POLN: variants seen among roughly 807,000 people sequenced by gnomAD.
POLN encodes the protein DNA polymerase nu.
In POLN, 108 loss-of-function variants were observed where a neutral mutation model predicts 113.5. The ratio of observed to expected loss-of-function variants is 0.95; its 90% CI spans 0.81 to 1.12. The LOEUF is 1.12. Ranked by LOEUF, POLN falls within the 50% of genes most tolerant of loss-of-function variation. The pLI, the probability that POLN is intolerant of heterozygous loss-of-function variation, is 0.00. For missense variants in POLN, 1,097 were observed against 1,077.1 expected (o/e 1.02, Z -0.26); for synonymous variants, 386 against 391.5 (o/e 0.99, Z 0.17).
rs535113978 is a variant in POLN, at chr4:2,077,867, G to C, written c.2388-2348C>G. ...GAAGGACGTCTGTCGTCTCCGTGTG[G>C]GGTGGATGAATGCAGGGCCTTGGAT... On this transcript the variant is annotated intron_variant, in intron 23 of 25. Coordinates refer to ENST00000511885, the MANE Select transcript of POLN (RefSeq NM_181808.4). 3.3e-5 allele frequency among the ~76,000 whole-genome samples: 5 copies of C among 152,300 alleles called. No homozygotes were observed. In the East Asian group the frequency reaches 7.7e-4, roughly 23 times the overall value.
chr4:2,222,695 CTTTTTTT>C (rs1314577025), intron 3 of POLN, among the ~76,000 whole-genome samples: 1 of 129,386 alleles, frequency 7.7e-6, no homozygotes, highest in African/African-American at 3.2e-5. Context: ...CACCCACGGC[CTTTTTTT>C]TTTTTTTTTT....
intron 2 of POLN, chr4:2,230,690 A>AT (rs1734549656): frequency 6.6e-6 from 1 of 151,948 alleles, no homozygotes; most frequent in South Asian, 2.1e-4. Flanking sequence ...CATAAAGACC[A>AT]CCCAAAACAT....
At chr4:2,118,462 A>G (rs529650703) in intron 19 of POLN, among the ~76,000 whole-genome samples, 1 of 152,318 alleles carries the variant, frequency 6.6e-6, no homozygotes, top group South Asian at 2.1e-4. Context: ...CTTACTTATA[A>G]TACCTTGTCA....
chr4:2,135,581 T>A, intron 16 of POLN, among the ~76,000 whole-genome samples: 1 of 152,156 alleles, frequency 6.6e-6, no homozygotes, highest in Non-Finnish European at 1.5e-5. Context: ...ACGTGAGCAA[T>A]TAGCACATAC....
chr4:2,150,107 CA>C (rs1318002907), intron 16 of POLN, among the ~76,000 whole-genome samples: 1 of 151,334 alleles, frequency 6.6e-6, no homozygotes, highest in Non-Finnish European at 1.5e-5. Context: ...AAACAAAAAA[CA>C]AAAAACAAAA....
chr4:2,101,421 G>A (rs893172497), intron 19 of POLN, among the ~76,000 whole-genome samples: 7 of 152,232 alleles, frequency 4.6e-5, no homozygotes, highest in Non-Finnish European at 1.0e-4. Flanking sequence ...AATCTAGGAA[G>A]AAGGAAAACA....
At chr4:2,086,347 G>A (rs1428957354) in intron 20 of POLN, among the ~76,000 whole-genome samples, 1 of 152,176 alleles carries the variant, frequency 6.6e-6, no homozygotes, top group Non-Finnish European at 1.5e-5. Context: ...ACTTTGGCTG[G>A]GCAGTGGCTG....
chr4:2,189,467 G>A (rs548167576), intron 7 of POLN, among the ~76,000 whole-genome samples: 12 of 151,016 alleles, frequency 7.9e-5, no homozygotes, highest in South Asian at 4.2e-4. Flanking sequence ...GTGAAACCCC[G>A]TCTCTACCAA....
intron 5 of POLN, among the ~76,000 whole-genome samples, chr4:2,201,277 CAAAAAAA>C (rs35399602): frequency 6.3e-4 from 10 of 15,834 alleles, no homozygotes; most frequent in African/African-American, 3.9e-3. Context: ...CCTACCACTC[CAAAAAAA>C]AAAAAAAAAA....
At chr4:2,082,623 GAGA>G (rs1161478395) in intron 21 of POLN, 1 of 152,220 alleles carries the variant, frequency 6.6e-6, no homozygotes, top group Non-Finnish European at 1.5e-5. Context: ...GACTGAGGAT[GAGA>G]AGAATTTCCC....
intron 16 of POLN, among the ~76,000 whole-genome samples, chr4:2,135,334 A>C (rs569814963): frequency 6.6e-6 from 1 of 152,286 alleles, no homozygotes; most frequent in African/African-American, 2.4e-5. Context: ...GGCCTTCAGC[A>C]AGGCCTCTCT....
chr4:2,189,649 A>AAAG (rs1169522106), intron 7 of POLN, among the ~76,000 whole-genome samples: 1 of 151,844 alleles, frequency 6.6e-6, no homozygotes, highest in Non-Finnish European at 1.5e-5. Context: ...AAACAAAAAA[A>AAAG]AAAGAAAAAA....
chr4:2,208,356 T>G lies in POLN; in HGVS notation c.345A>C (p.Ser115=). 1 of 1,613,650 alleles carries G rather than the reference T, an allele frequency of 6.2e-7. No homozygotes were observed. Among genetic ancestry groups the G allele is most frequent in the Non-Finnish European group, 8.5e-7 (1 of 1,179,920 alleles). ...KQKSISSLTL[S]SCLIPQYNQE... ...GATTATACTGTGGAATTAAACAACT[T>G]GAAAGAGTCAATGAGCTGATGCTCT... Residue 115 remains serine, a synonymous_variant, in exon 5 of 26, where the codon TCA becomes TCC. Coordinates refer to ENST00000511885, the MANE Select transcript of POLN (RefSeq NM_181808.4).
At chr4:2,080,773 G>C in intron 23 of POLN, 185 bp downstream of exon 23, 1 of 1,461,548 alleles carries the variant, frequency 6.8e-7, no homozygotes, top group Non-Finnish European at 9.0e-7. Context: ...CTGGTGGATG[G>C]CTGGTTGTTG....
intron 2 of POLN, chr4:2,240,834 G>A: frequency 6.2e-7 from 1 of 1,613,520 alleles, no homozygotes; most frequent in Non-Finnish European, 8.5e-7. Flanking sequence ...CTTCAGAAAC[G>A]ATTCATCTTC....
intron 14 of POLN, among the ~76,000 whole-genome samples, chr4:2,158,934 T>G (rs1408659574): frequency 6.6e-6 from 1 of 152,180 alleles, no homozygotes; most frequent in African/African-American, 2.4e-5. Flanking sequence ...TCTTCCATTT[T>G]GACTCCTGGG....
chr4:2,081,217 C>G (rs891167720), intron 22 of POLN, 181 bp from the exon 23 acceptor site: 4 of 1,548,624 alleles, frequency 2.6e-6, no homozygotes, highest in African/African-American at 2.7e-5. Flanking sequence ...TCCTCCCGCC[C>G]TCTTGCTCCT....
intron 3 of POLN, among the ~76,000 whole-genome samples, chr4:2,219,668 C>T (rs934390333): frequency 3.3e-5 from 5 of 152,158 alleles, no homozygotes; most frequent in African/African-American, 1.2e-4. Flanking sequence ...ATCCAGAGCG[C>T]CCTTCTGCAG....
Position 2,129,097 on chromosome 4 carries a change from AT to A in POLN, c.1867+81del, listed in dbSNP as rs1054350100. On this transcript the variant is annotated intron_variant, in intron 18 of 25. Coordinates refer to ENST00000511885, the MANE Select transcript of POLN (RefSeq NM_181808.4). ...AAAAAGAATTTATTTGAAAGAATGA[AT>A]TCCATAAGTACCTTTGAATTGTTCA... 145 of 988,208 alleles carry A rather than the reference AT, an allele frequency of 1.5e-4. 1 individual carries two copies. The highest frequency in any genetic ancestry group is 1.8e-4 in the Non-Finnish European group (117 of 657,488). 61.2% of individuals were successfully genotyped at this position (988,208 alleles called of 1,614,324 possible).
Sources: allele counts gnomAD v4.1 joint callset (sites outside exome capture counted in the v4.1 genomes callset), GRCh38; gene constraint gnomAD v4.1.1; transcripts MANE v1.5; gene names NCBI Gene and HGNC (gene_info 2026-07-23, HGNC 2026-07-21).